BCL11A: variants seen among roughly 807,000 people sequenced by gnomAD.
The protein encoded by BCL11A is B cell CLL/lymphoma 11A.
BCL11A carries 2 observed loss-of-function variants against 55.9 expected under a neutral mutation model. The ratio of observed to expected loss-of-function variants is 0.04; its 90% CI spans 0.01 to 0.11. The LOEUF (loss-of-function observed/expected upper bound fraction) is 0.11, where lower values mean the gene tolerates loss of function less well. BCL11A is among the 10% of genes least tolerant of loss of function. The pLI is 1.00. For synonymous variants in BCL11A, 465 were observed against 473.4 expected (o/e 0.98, Z 0.23); for missense variants, 817 against 1,137.1 (o/e 0.72, Z 4.05).
chr2:60,480,806 C>G (rs35908689), intron 2 of BCL11A, among the ~76,000 whole-genome samples: 27,007 of 152,120 alleles, frequency 0.18, 2,990 homozygotes, highest in Non-Finnish European at 0.25. Flanking sequence ...TCCTTCCTCT[C>G]TCAATTTGTT....
rs756847281 is a variant in BCL11A at position 60,461,580 on chromosome 2, G to C, written c.1332C>G (p.Thr444=). Residue 444 remains threonine, a synonymous_variant, in exon 4 of 4, where the codon ACC becomes ACG. Coordinates refer to ENST00000642384, the MANE Select transcript of BCL11A (RefSeq NM_022893.4). Reference sequence around the variant, plus strand: ...TGGTGCCGGGTTCCGGGGAGCTGGCGGTGGAGAGACCGTCGTCGGACTTGA... The same window carrying C: ...TGGTGCCGGGTTCCGGGGAGCTGGCCGTGGAGAGACCGTCGTCGGACTTGA... ...MTVKSDDGLS[T]ASSPEPGTSD... 3 of 1,612,654 alleles carry C rather than the reference G, an allele frequency of 1.9e-6. No individual in the cohort carries two copies. Among genetic ancestry groups the C allele is most frequent in the South Asian group, 2.2e-5 (2 of 91,090 alleles).
rs1676141494 is a variant in BCL11A, at chr2:60,459,940, C to T, written c.*464G>A. The stretch of plus-strand genomic sequence containing the variant: ...TGTATGCAGCATGGTCTTTTTCTCT[C>T]TCTCTCTCTTTTTCTCTCAGAACGG... On this transcript the variant is annotated 3_prime_UTR_variant, in exon 4 of 4. Transcript: ENST00000642384. 2 of 1,062,264 alleles carry T rather than the reference C, an allele frequency of 1.9e-6. No homozygotes were observed. Among genetic ancestry groups the T allele is most frequent in the South Asian group, 9.1e-5 (2 of 22,054 alleles). 65.8% of individuals were successfully genotyped at this position (1,062,264 alleles called of 1,614,324 possible).
At chr2:60,498,732 G>A (rs1205122349) in intron 2 of BCL11A, among the ~76,000 whole-genome samples, 2 of 152,196 alleles carry the variant, frequency 1.3e-5, no homozygotes, top group Non-Finnish European at 2.9e-5. Context: ...AAACCAGTGA[G>A]GTCATCTATA....
chr2:60,478,669 T>C (rs552063810), intron 2 of BCL11A, among the ~76,000 whole-genome samples: 1 of 152,360 alleles, frequency 6.6e-6, no homozygotes, highest in Non-Finnish European at 1.5e-5. Flanking sequence ...CCAAAAAAAA[T>C]GGTCTAGCAG....
chr2:60,511,333 G>T (rs554396452), intron 2 of BCL11A, among the ~76,000 whole-genome samples: 25 of 152,300 alleles, frequency 1.6e-4, no homozygotes, highest in South Asian at 6.2e-4. Context: ...GTGAATAAGT[G>T]CTCCCCAGTA....
downstream of BCL11A, chr2:60,452,909 C>T (rs1183333816): frequency 6.5e-6 from 3 of 458,932 alleles, no homozygotes; most frequent in South Asian, 2.5e-5. Flanking sequence ...CAGGTCCCCC[C>T]ACCCCTGCCC....
intron 2 of BCL11A, among the ~76,000 whole-genome samples, chr2:60,511,387 TG>T (rs1679978159): frequency 6.6e-6 from 1 of 152,218 alleles, no homozygotes; most frequent in African/African-American, 2.4e-5. Context: ...CTCGCCAATT[TG>T]GGAAGTAATG....
chr2:60,482,346 G>A (rs984476223), intron 2 of BCL11A, among the ~76,000 whole-genome samples: 3 of 152,104 alleles, frequency 2.0e-5, no homozygotes, highest in East Asian at 1.9e-4. Context: ...GAGCAGAGCC[G>A]AGAATATCCG....
At chr2:60,505,365 C>A (rs763824506) in intron 2 of BCL11A, among the ~76,000 whole-genome samples, 4 of 152,234 alleles carry the variant, frequency 2.6e-5, no homozygotes, top group Admixed American at 6.5e-5. Context: ...AAAGAACACA[C>A]CACTTTGTCA....
chr2:60,513,260 T>G (rs1668567729), intron 2 of BCL11A, among the ~76,000 whole-genome samples: 1 of 152,034 alleles, frequency 6.6e-6, no homozygotes, highest in African/African-American at 2.4e-5. Context: ...CGGACTCCAG[T>G]CTCTGCAGCT....
At chr2:60,513,882 A>G (rs985166672) in intron 2 of BCL11A, among the ~76,000 whole-genome samples, 2 of 152,132 alleles carry the variant, frequency 1.3e-5, no homozygotes, top group African/African-American at 4.8e-5. Flanking sequence ...CCAGACAGGC[A>G]CCTCCATGAA....
chr2:60,454,685 G>A (rs1472861493), downstream of BCL11A, among the ~76,000 whole-genome samples: 2 of 152,174 alleles, frequency 1.3e-5, no homozygotes, highest in African/African-American at 4.8e-5. Flanking sequence ...GATGGGGCCT[G>A]AGGCTTCTCA....
chr2:60,533,264 A>G (rs1471390576), intron 2 of BCL11A: 3 of 152,248 alleles, frequency 2.0e-5, no homozygotes, highest in Non-Finnish European at 2.9e-5. Context: ...AGACTGAATA[A>G]TAAGGCTTGT....
In BCL11A at chr2:60,483,405, G is replaced by A. The variant is rs534933833; in HGVS notation, c.386-14572C>T. 3.0e-4 allele frequency among the ~76,000 whole-genome samples: 46 copies of A among 152,346 alleles called. 1 individual carries two copies. The South Asian group carries it at 9.3e-3, about 31-fold the overall frequency. On this transcript the variant is annotated intron_variant, in intron 2 of 3. Transcript: ENST00000642384. ...GCCCAGTGCAAAGATCCCTGGCCAA[G>A]GTCAGAAGACTTGAGACCAGGCAAG...
chr2:60,496,403 A>G (rs1427374528), intron 2 of BCL11A, among the ~76,000 whole-genome samples: 3 of 152,232 alleles, frequency 2.0e-5, no homozygotes, highest in Non-Finnish European at 4.4e-5. Flanking sequence ...TCCCAGGCAG[A>G]GACAGAGCAC....
intron 3 of BCL11A, among the ~76,000 whole-genome samples, chr2:60,467,153 G>GTGGTGGTGA (rs1676697547): frequency 7.6e-6 from 1 of 131,574 alleles, no homozygotes; most frequent in African/African-American, 3.5e-5. Context: ...GGTGATGGTG[G>GTGGTGGTGA]TGGTGGTGGT....
intron 3 of BCL11A, among the ~76,000 whole-genome samples, chr2:60,466,996 A>T (rs1244405450): frequency 6.6e-6 from 1 of 152,188 alleles, no homozygotes; most frequent in African/African-American, 2.4e-5. Context: ...AAACATTTGT[A>T]TAAATGGACA....
At chr2:60,536,856 G>C (rs1443605208) in intron 2 of BCL11A, 1 of 152,270 alleles carries the variant, frequency 6.6e-6, no homozygotes, top group Admixed American at 6.5e-5. Context: ...GGAGGGGAGG[G>C]GGACCCAGAG....
intron 2 of BCL11A, among the ~76,000 whole-genome samples, chr2:60,482,188 T>C (rs1456350859): frequency 6.6e-6 from 1 of 151,410 alleles, no homozygotes; most frequent in African/African-American, 2.4e-5. Flanking sequence ...TTGGTTGGAG[T>C]TTAGTTTTTG....
Sources: allele counts gnomAD v4.1 joint callset (sites outside exome capture counted in the v4.1 genomes callset), GRCh38; gene constraint gnomAD v4.1.1; transcripts MANE v1.5; gene names NCBI Gene and HGNC (gene_info 2026-07-23, HGNC 2026-07-21).